Variants in CASP6 observed in about 807,000 individuals in gnomAD.
CASP6 encodes caspase 6.
In CASP6, 20 loss-of-function variants were observed where a neutral mutation model predicts 31.8. That is an observed-to-expected ratio of 0.63 (90% confidence interval 0.44 to 0.91). CASP6 has a LOEUF of 0.91. CASP6 is among the 40% of genes least tolerant of loss of function. CASP6 has a pLI of 0.00. For missense variants in CASP6, 328 were observed against 361.1 expected (o/e 0.91, Z 0.74); for synonymous variants, 130 against 127.8 (o/e 1.02, Z -0.12).
chr4:109,706,121 C>T (rs1305715303), upstream of CASP6, among the ~76,000 whole-genome samples: 1 of 69,434 alleles, frequency 1.4e-5, no homozygotes, highest in African/African-American at 5.5e-5. Flanking sequence ...GGACAACATA[C>T]CTATCCATTT....
chr4:109,706,001 A>ATATATAT (rs1491222928), upstream of CASP6, among the ~76,000 whole-genome samples: 1 of 31,672 alleles, frequency 3.2e-5, no homozygotes, highest in Non-Finnish European at 5.7e-5. Context: ...AAAAAAAAAA[A>ATATATAT]ATATATATAT....
At chr4:109,693,831 C>G (rs1174963060) in intron 5 of CASP6, among the ~76,000 whole-genome samples, 2 of 151,718 alleles carry the variant, frequency 1.3e-5, no homozygotes, top group Non-Finnish European at 2.9e-5. Flanking sequence ...CTCTGCCTCC[C>G]AGGTTCAAGC....
At chr4:109,679,153 C>T in the CASP6 span, among the ~76,000 whole-genome samples, 556 of 151,576 alleles carry the variant, frequency 3.7e-3, 4 homozygotes, top group Non-Finnish European at 7.0e-3. Flanking sequence ...AGGTGCTCCT[C>T]ACTTCCCAGA....
chr4:109,684,264 A>G (rs191818895), downstream of CASP6, among the ~76,000 whole-genome samples: 17 of 152,028 alleles, frequency 1.1e-4, no homozygotes, highest in South Asian at 2.1e-4. Flanking sequence ...GGGTTTCACC[A>G]TGTTAACCAG....
At chr4:109,685,236 C>G (rs200145381), downstream of CASP6, 7 of 928,706 alleles carry the variant, frequency 7.5e-6, no homozygotes, top group Non-Finnish European at 1.1e-5. Context: ...TCTTCTCTCT[C>G]TCTTTTTTTT....
Position 109,697,673 on chromosome 4 carries a change from G to A in CASP6, c.179C>T (p.Thr60Ile). ...GCAGGTGCCCCGCCTTTCTGGCAGT[G>A]TTAAGTGCCAAAAGAACCTCTCATG... is the stretch of plus-strand genomic sequence containing the variant. ...FNHERFFWHL[T>I]LPERRGTCAD... The change falls in exon 3 of 7, where the codon ACA becomes ATA. Residue 60 changes from threonine (T) to isoleucine (I), a missense_variant. Transcript: ENST00000265164. 1 of 1,614,036 alleles carries A rather than the reference G, an allele frequency of 6.2e-7. No individual in the cohort carries two copies. Among genetic ancestry groups the A allele is most frequent in the Non-Finnish European group, 8.5e-7 (1 of 1,179,966 alleles).
chr4:109,684,887 T>C (rs778548721), downstream of CASP6: 31 of 435,430 alleles, frequency 7.1e-5, no homozygotes, highest in Non-Finnish European at 9.7e-5. Flanking sequence ...GGGATAAATA[T>C]GTGTTCTCTG....
At chr4:109,698,253 T>C (rs1730312894) in intron 2 of CASP6, 47 bp downstream of exon 2, 2 of 1,570,980 alleles carry the variant, frequency 1.3e-6, no homozygotes, top group Non-Finnish European at 1.7e-6. Flanking sequence ...AGGCTGATCA[T>C]GACCATCAAA....
the CASP6 span, among the ~76,000 whole-genome samples, chr4:109,681,103 T>C: frequency 6.6e-6 from 1 of 152,168 alleles, no homozygotes; most frequent in South Asian, 2.1e-4. Context: ...ATAAGAGAGA[T>C]TACTAAGAAG....
At position 109,697,054 on chromosome 4, in the gene CASP6, G is replaced by A. The variant is rs140791052; in HGVS notation, c.230+568C>T. On this transcript the variant is annotated intron_variant, in intron 3 of 6. Transcript: ENST00000265164. ...ACCCGCCTCAGCCTCCCAAAGTGCC[G>A]GGATTACAGGAGTGAGCCACCATGC... Among the ~76,000 whole-genome samples the A allele has an allele frequency of 6.9e-3, 1,052 of 152,032 alleles. 11 individuals carry two copies. The highest frequency in any genetic ancestry group is 0.024 in the African/African-American group (1,011 of 41,458).
intron 1 of CASP6, 32 bp downstream of exon 1, chr4:109,703,324 T>C (rs749137815): frequency 6.3e-7 from 1 of 1,598,164 alleles, no homozygotes; most frequent in South Asian, 1.1e-5. Context: ...GACGCAGACC[T>C]GCTCGGTGCC....
downstream of CASP6, chr4:109,684,453 G>T (rs202038616): frequency 7.0e-5 from 112 of 1,610,772 alleles, 1 homozygote; most frequent in Middle Eastern, 3.3e-4. Flanking sequence ...GTGAAAGCTG[G>T]AATAGAAGCT....
chr4:109,666,799 T>C, the CASP6 span, among the ~76,000 whole-genome samples: 3 of 152,226 alleles, frequency 2.0e-5, no homozygotes, highest in Admixed American at 6.5e-5. Context: ...GTCTTCATTG[T>C]GAATTGGTGT....
Position 109,703,429 on chromosome 4 carries a change from C to T in CASP6, c.-34G>A. The T allele has an allele frequency of 6.2e-7, 1 of 1,607,932 alleles. No homozygotes were observed. Among genetic ancestry groups the T allele is most frequent in the Middle Eastern group, 1.7e-4 (1 of 6,048 alleles). On this transcript the variant is annotated 5_prime_UTR_variant, in exon 1 of 7. Coordinates refer to ENST00000265164, the MANE Select transcript of CASP6 (RefSeq NM_001226.4). ...AACGCGCAGCCAGACACCTTGCCCT[C>T]CTCTTCCTGAAGCCACAGGCTCCCG... is the stretch of plus-strand genomic sequence containing the variant.
At chr4:109,678,270 C>T in the CASP6 span, among the ~76,000 whole-genome samples, 1 of 152,078 alleles carries the variant, frequency 6.6e-6, no homozygotes, top group South Asian at 2.1e-4. Flanking sequence ...CCACATTTCC[C>T]CCTTTTCTAT....
chr4:109,689,449 T>C lies in CASP6; in HGVS notation c.763A>G (p.Lys255Glu). 6.2e-7 allele frequency: 1 copy of C among 1,614,216 alleles called. No homozygotes were observed. Among genetic ancestry groups the C allele is most frequent in the Non-Finnish European group, 8.5e-7 (1 of 1,180,048 alleles). Reference protein sequence around the residue: ...FTELLTLVNRKVSQRRVDFCK... With the variant: ...FTELLTLVNREVSQRRVDFCK... The stretch of plus-strand genomic sequence containing the variant: ...AAGTCCACTCGGCGCTGAGAAACTT[T>C]CCTGTTCACCAGTGTGAGGAGTTCT... The change falls in exon 7 of 7, where the codon AAA becomes GAA. Residue 255 changes from lysine to glutamate, a missense_variant. Coordinates refer to ENST00000265164, the MANE Select transcript of CASP6 (RefSeq NM_001226.4).
chr4:109,707,738 C>A (rs1541373), upstream of CASP6, among the ~76,000 whole-genome samples: 1 of 151,868 alleles, frequency 6.6e-6, no homozygotes, highest in East Asian at 1.9e-4. Context: ...AGGGACAGAA[C>A]CATGCAGAAA....
downstream of CASP6, among the ~76,000 whole-genome samples, chr4:109,685,957 T>G (rs562877491): frequency 3.9e-5 from 6 of 152,318 alleles, no homozygotes; most frequent in South Asian, 1.2e-3. Context: ...CATCACTGGA[T>G]TTTTCATTTT....
the CASP6 span, among the ~76,000 whole-genome samples, chr4:109,676,687 T>C: frequency 6.6e-6 from 1 of 152,234 alleles, no homozygotes; most frequent in East Asian, 1.9e-4. Context: ...TCTGCTGCAA[T>C]AGCAGAATAG....
Sources: allele counts gnomAD v4.1 joint callset (sites outside exome capture counted in the v4.1 genomes callset), GRCh38; gene constraint gnomAD v4.1.1; transcripts MANE v1.5; gene names NCBI Gene and HGNC (gene_info 2026-07-23, HGNC 2026-07-21).